The following DPP10 variants were observed in gnomAD, a reference collection of about 807,000 sequenced individuals.
The protein encoded by DPP10 is inactive dipeptidyl peptidase 10.
DPP10 carries 33 observed loss-of-function variants against 120.9 expected under a neutral mutation model. That is an observed-to-expected ratio of 0.27 (90% CI 0.21 to 0.37). The LOEUF is 0.37. DPP10 is among the 10% of genes least tolerant of loss of function. DPP10 has a pLI of 1.00. For synonymous variants in DPP10, 337 were observed against 326.1 expected (o/e 1.03, Z -0.36); for missense variants, 816 against 942.8 (o/e 0.87, Z 1.76).
At chr2:115,458,749 CTT>C (rs1389141066) in intron 3 of DPP10, among the ~76,000 whole-genome samples, 5 of 151,946 alleles carry the variant, frequency 3.3e-5, no homozygotes, top group African/African-American at 1.2e-4. Flanking sequence ...AGAAAAATGA[CTT>C]TTTAAAAATA....
At chr2:114,455,249 A>G (rs1678503520) in intron 1 of DPP10, among the ~76,000 whole-genome samples, 1 of 151,848 alleles carries the variant, frequency 6.6e-6, no homozygotes, top group South Asian at 2.1e-4. Context: ...GTGGGTTTTA[A>G]AAACGTAAAT....
In DPP10 at chr2:115,221,754, GTT is replaced by G. The variant is rs56077672; in HGVS notation, c.61-87461_61-87460del. 4.0e-3 allele frequency among the ~76,000 whole-genome samples: 479 copies of G among 120,090 alleles called. 1 individual carries two copies. Among genetic ancestry groups the G allele is most frequent in the African/African-American group, 0.014 (430 of 30,262 alleles). 78.8% of individuals were successfully genotyped at this position (120,090 alleles called of 152,430 possible). The stretch of plus-strand genomic sequence containing the variant: ...CTTTGAGGCTTTCATGTTTGTTTCT[GTT>G]TTTTTTTTTTTTTTTTTTTTTTTCT... On this transcript the variant is annotated intron_variant, in intron 1 of 25. Transcript: ENST00000410059.
At chr2:115,405,966 T>C (rs1035094566) in intron 3 of DPP10, among the ~76,000 whole-genome samples, 2 of 152,244 alleles carry the variant, frequency 1.3e-5, no homozygotes, top group African/African-American at 4.8e-5. Flanking sequence ...CCTCTGGCTT[T>C]GTTCTCTTCA....
chr2:115,049,285 G>C (rs1559034465), intron 1 of DPP10, among the ~76,000 whole-genome samples: 1 of 152,026 alleles, frequency 6.6e-6, no homozygotes. Context: ...CTTAATGTAT[G>C]CTAGATAGTG....
At chr2:115,069,728 G>A (rs896078455) in intron 1 of DPP10, among the ~76,000 whole-genome samples, 5 of 151,536 alleles carry the variant, frequency 3.3e-5, no homozygotes, top group South Asian at 2.1e-4. Context: ...CTGCTTCCTC[G>A]AATCGCGTGC....
At chr2:114,507,623 G>A (rs548883441) in intron 1 of DPP10, among the ~76,000 whole-genome samples, 4 of 152,006 alleles carry the variant, frequency 2.6e-5, no homozygotes, top group Admixed American at 1.3e-4. Context: ...GGTTCTATCC[G>A]GGATTGATAC....
chr2:115,014,772 C>T (rs1702511444), intron 1 of DPP10, among the ~76,000 whole-genome samples: 1 of 151,328 alleles, frequency 6.6e-6, no homozygotes. Flanking sequence ...ACATATACAC[C>T]CTCCCAAGAT....
intron 1 of DPP10, among the ~76,000 whole-genome samples, chr2:114,875,951 C>T (rs543478169): frequency 2.0e-5 from 3 of 152,162 alleles, no homozygotes; most frequent in South Asian, 2.1e-4. Context: ...TTCAGACATT[C>T]CAATATATTT....
chr2:115,623,058 G>C (rs1185421418), intron 5 of DPP10, among the ~76,000 whole-genome samples: 2 of 151,974 alleles, frequency 1.3e-5, no homozygotes, highest in African/African-American at 2.4e-5. Flanking sequence ...TGTTAGCCAG[G>C]ATGGTCTCGA....
chr2:115,592,498 G>C (rs760462506), intron 5 of DPP10, among the ~76,000 whole-genome samples: 3 of 151,932 alleles, frequency 2.0e-5, no homozygotes, highest in Non-Finnish European at 4.4e-5. Flanking sequence ...GGGAGGCCAA[G>C]GCCTAGCACT....
chr2:115,331,812 G>T (rs1409733988), intron 2 of DPP10, among the ~76,000 whole-genome samples: 1 of 152,116 alleles, frequency 6.6e-6, no homozygotes, highest in Non-Finnish European at 1.5e-5. Flanking sequence ...ATGTGCTGCT[G>T]GATTCGGTTT....
At chr2:114,982,052 G>T (rs926528543) in intron 1 of DPP10, among the ~76,000 whole-genome samples, 4 of 151,730 alleles carry the variant, frequency 2.6e-5, no homozygotes, top group African/African-American at 9.7e-5. Context: ...ACACCACCAT[G>T]CCCAGCTAAT....
intron 5 of DPP10, among the ~76,000 whole-genome samples, chr2:115,655,318 A>G (rs77094976): frequency 0.017 from 2,582 of 151,850 alleles, 73 homozygotes; most frequent in African/African-American, 0.06. Flanking sequence ...ATAGTATTCT[A>G]ATAATATGTA....
chr2:115,063,118 T>C (rs1363793161), intron 1 of DPP10, among the ~76,000 whole-genome samples: 1 of 152,192 alleles, frequency 6.6e-6, no homozygotes, highest in African/African-American at 2.4e-5. Flanking sequence ...CTGTGGTTTT[T>C]ATTTGCATTT....
chr2:115,556,716 G>A (rs1051814081), intron 5 of DPP10, among the ~76,000 whole-genome samples: 1 of 152,090 alleles, frequency 6.6e-6, no homozygotes, highest in Non-Finnish European at 1.5e-5. Context: ...GGTGAAATTA[G>A]TGTGTCCAAT....
rs552076374 is a variant in DPP10, at chr2:114,899,718, G to A, written c.61-409521G>A. ...CACGCCTGTAATCCCAGCACTTTGG[G>A]AGGCCGAGGTGGGCAGATCACGAGG... is the stretch of plus-strand genomic sequence containing the variant. On this transcript the variant is annotated intron_variant, in intron 1 of 25. Coordinates refer to ENST00000410059, the MANE Select transcript of DPP10 (RefSeq NM_020868.6). 2.5e-4 allele frequency among the ~76,000 whole-genome samples: 38 copies of A among 152,304 alleles called. 1 individual carries two copies. In the South Asian group the frequency reaches 7.9e-3, roughly 32 times the overall value.
At chr2:115,684,128 A>T (rs1311943525) in intron 5 of DPP10, among the ~76,000 whole-genome samples, 1 of 151,910 alleles carries the variant, frequency 6.6e-6, no homozygotes, top group Non-Finnish European at 1.5e-5. Context: ...ATACTAATAA[A>T]TATTAAGTAT....
At chr2:115,052,552 T>C (rs1705579398) in intron 1 of DPP10, among the ~76,000 whole-genome samples, 1 of 152,068 alleles carries the variant, frequency 6.6e-6, no homozygotes. Flanking sequence ...GATATACAAA[T>C]GAACAGCAAG....
intron 3 of DPP10, among the ~76,000 whole-genome samples, chr2:115,432,312 C>A (rs755001673): frequency 6.6e-6 from 1 of 151,848 alleles, no homozygotes; most frequent in Non-Finnish European, 1.5e-5. Flanking sequence ...GAAAGAAAGA[C>A]GATGCAATTT....
Sources: allele counts gnomAD v4.1 joint callset (sites outside exome capture counted in the v4.1 genomes callset), GRCh38; gene constraint gnomAD v4.1.1; transcripts MANE v1.5; gene names NCBI Gene and HGNC (gene_info 2026-07-23, HGNC 2026-07-21).